The following EXOC2 variants were observed in gnomAD, a reference collection of about 807,000 sequenced individuals.
EXOC2 encodes the protein exocyst complex component 2, also known as SEC5-like 1.
In EXOC2, 70 loss-of-function variants were observed where a neutral mutation model predicts 131.8. The ratio of observed to expected loss-of-function variants is 0.53; its 90% CI spans 0.44 to 0.65. The LOEUF (loss-of-function observed/expected upper bound fraction) is 0.65, where lower values mean the gene tolerates loss of function less well. Ranked by LOEUF, EXOC2 falls within the 30% of genes least tolerant of loss-of-function variation. The pLI, the probability that EXOC2 is intolerant of heterozygous loss-of-function variation, is 0.00. For synonymous variants in EXOC2, 411 were observed against 398.4 expected, an observed-to-expected ratio of 1.03 and a Z score of -0.38; for missense variants, 923 against 1,108.6, an observed-to-expected ratio of 0.83 and a Z score of 2.38.
At chr6:690,685 A>T (rs1414933336) in intron 1 of EXOC2, among the ~76,000 whole-genome samples, 1 of 152,244 alleles carries the variant, frequency 6.6e-6, no homozygotes, top group Non-Finnish European at 1.5e-5. Flanking sequence ...CCTAGGCAAC[A>T]GGGTGAGACT....
intron 1 of EXOC2, among the ~76,000 whole-genome samples, chr6:654,048 C>A (rs1451420892): frequency 1.3e-5 from 2 of 152,184 alleles, no homozygotes; most frequent in African/African-American, 4.8e-5. Context: ...AATTTAAGCC[C>A]ACTGTTGAAA....
At chr6:578,341 G>A (rs1387198910) in intron 11 of EXOC2, among the ~76,000 whole-genome samples, 1 of 152,130 alleles carries the variant, frequency 6.6e-6, no homozygotes, top group Non-Finnish European at 1.5e-5. Context: ...GCAGGCCCGG[G>A]GGATAAAGTG....
intron 6 of EXOC2, among the ~76,000 whole-genome samples, chr6:611,634 G>C (rs1760720555): frequency 6.6e-6 from 1 of 152,170 alleles, no homozygotes; most frequent in Admixed American, 6.5e-5. Flanking sequence ...GAGACACTGG[G>C]ATCTGATAAA....
chr6:581,110 A>G (rs1045923792), intron 11 of EXOC2, among the ~76,000 whole-genome samples: 1 of 152,092 alleles, frequency 6.6e-6, no homozygotes, highest in Non-Finnish European at 1.5e-5. Flanking sequence ...CCTGACCAAC[A>G]TGGTGAAACC....
intron 5 of EXOC2, 51 bp from the exon 6 acceptor site, chr6:617,886 GA>G: frequency 1.3e-6 from 2 of 1,582,380 alleles, no homozygotes; most frequent in Non-Finnish European, 8.6e-7. Context: ...ATGCAAGAAA[GA>G]AAAAATAATT....
chr6:497,641 C>A (rs1450698019), intron 24 of EXOC2, 152 bp from the exon 25 acceptor site: 3 of 1,007,272 alleles, frequency 3.0e-6, no homozygotes, highest in Non-Finnish European at 4.2e-6. Context: ...AAGGAAGATA[C>A]AGACTTATAT....
intron 13 of EXOC2, among the ~76,000 whole-genome samples, chr6:568,863 T>C (rs1758120115): frequency 6.6e-6 from 1 of 152,164 alleles, no homozygotes. Flanking sequence ...GCCACAACAA[T>C]TTTGCCCAAC....
At chr6:638,189 AACTGTTCT>A (rs1235306585) in intron 1 of EXOC2, among the ~76,000 whole-genome samples, 6 of 152,202 alleles carry the variant, frequency 3.9e-5, no homozygotes, top group Non-Finnish European at 4.4e-5. Context: ...TGATACTAGG[AACTGTTCT>A]ACTGTTCTAC....
intron 23 of EXOC2, among the ~76,000 whole-genome samples, chr6:532,181 GAGA>G (rs1766128262): frequency 6.6e-6 from 1 of 152,172 alleles, no homozygotes; most frequent in Non-Finnish European, 1.5e-5. Context: ...GTATCTATGT[GAGA>G]AGATCACAGG....
At chr6:575,456 A>ACTTCCTCTCCATCCTCTCCCTCG (rs1758523538) in intron 12 of EXOC2, among the ~76,000 whole-genome samples, 3 of 97,598 alleles carry the variant, frequency 3.1e-5, no homozygotes, top group Admixed American at 2.4e-4. Context: ...CCTCTCCCTC[A>ACTTCCTCTCCATCCTCTCCCTCG]CTCCCTCTCC....
chr6:556,178 A>G (rs1056328068), intron 18 of EXOC2, among the ~76,000 whole-genome samples, 165 bp from the exon 19 acceptor site: 3 of 152,152 alleles, frequency 2.0e-5, no homozygotes, highest in Non-Finnish European at 4.4e-5. Flanking sequence ...GGTGTTCCTT[A>G]CTGTAGTGAC....
At position 693,069 on chromosome 6, in the gene EXOC2, G is replaced by T. The variant is rs1407717793; in HGVS notation, c.-94C>A. The T allele has an allele frequency of 6.6e-6, 1 of 152,418 alleles. No individual in the cohort carries two copies. The highest frequency in any genetic ancestry group is 2.4e-5 in the African/African-American group (1 of 41,480). 9.4% of individuals were successfully genotyped at this position (152,418 alleles called of 1,614,324 possible). A position where few individuals can be genotyped will look rare whatever the true frequency, so the allele number is the denominator to read the frequency against. On this transcript the variant is annotated 5_prime_UTR_variant, in exon 1 of 28. Coordinates refer to ENST00000230449, the MANE Select transcript of EXOC2 (RefSeq NM_018303.6). ...GGCCGGCACAGACAGGGCCCGGTAG[G>T]TCTCGCCGAAGACTCCGCGGCCGCC...
chr6:528,674 T>C (rs1765889833), intron 23 of EXOC2, among the ~76,000 whole-genome samples: 1 of 151,824 alleles, frequency 6.6e-6, no homozygotes, highest in Non-Finnish European at 1.5e-5. Flanking sequence ...TAAACGAAGC[T>C]ATGTTAAAAA....
chr6:671,289 G>A (rs754731033), intron 1 of EXOC2, among the ~76,000 whole-genome samples: 17 of 151,754 alleles, frequency 1.1e-4, no homozygotes, highest in Non-Finnish European at 2.4e-4. Flanking sequence ...CCTGGGAGGT[G>A]GAGATTGCAG....
At position 656,356 on chromosome 6, in the gene EXOC2, C is replaced by T. The variant is rs199924087; in HGVS notation, c.-43-18495G>A. On this transcript the variant is annotated intron_variant, in intron 1 of 27. Coordinates refer to ENST00000230449, the MANE Select transcript of EXOC2 (RefSeq NM_018303.6). ...TTAAAATAACTTTGAATGGACACCA[C>T]CTCCGTCTCTATACTCAGGGTCATC... The T allele has an allele frequency of 3.7e-6, 6 of 1,614,198 alleles. No individual in the cohort carries two copies. In the Admixed American group the frequency reaches 6.7e-5, roughly 18 times the overall value.
chr6:628,512 C>T (rs1275325462), intron 4 of EXOC2, among the ~76,000 whole-genome samples: 1 of 152,184 alleles, frequency 6.6e-6, no homozygotes, highest in Non-Finnish European at 1.5e-5. Context: ...AACACCAAAA[C>T]AGAAGTTGAA....
At chr6:571,416 G>A (rs1046173962) in intron 13 of EXOC2, among the ~76,000 whole-genome samples, 1 of 152,170 alleles carries the variant, frequency 6.6e-6, no homozygotes, top group Non-Finnish European at 1.5e-5. Flanking sequence ...AAGGCTGCAG[G>A]AATCCAGCGG....
intron 6 of EXOC2, among the ~76,000 whole-genome samples, chr6:617,315 A>G (rs1761064305): frequency 6.6e-6 from 1 of 152,256 alleles, no homozygotes; most frequent in South Asian, 2.1e-4. Flanking sequence ...CGCCTGTGCG[A>G]TAAGGGCTGA....
intron 1 of EXOC2, among the ~76,000 whole-genome samples, chr6:672,098 A>G (rs1314262293): frequency 6.6e-6 from 1 of 152,054 alleles, no homozygotes; most frequent in Non-Finnish European, 1.5e-5. Flanking sequence ...CTGTCCCACA[A>G]TTCTTGGCTG....
Sources: gnomAD v4.1 joint callset for allele counts (sites outside exome capture counted in the v4.1 genomes callset) on GRCh38, gnomAD v4.1.1 for gene constraint, MANE v1.5 for transcripts, NCBI Gene and HGNC (gene_info 2026-07-23, HGNC 2026-07-21) for gene names.